NTSR2: variants seen among roughly 807,000 people sequenced by gnomAD.
The protein encoded by NTSR2 is neurotensin receptor type 2.
NTSR2 carries 22 observed loss-of-function variants against 24.1 expected under a neutral mutation model. The observed-to-expected ratio is 0.91, with a 90% CI of 0.65 to 1.30. The LOEUF (loss-of-function observed/expected upper bound fraction) is 1.30, where lower values mean the gene tolerates loss of function less well. NTSR2 is among the 50% of genes most tolerant of loss of function. The pLI is 0.00. For missense variants in NTSR2, 570 were observed against 570.4 expected (o/e 1.00, Z 0.01); for synonymous variants, 291 against 267.0 (o/e 1.09, Z -0.88).
chr2:11,658,663 C>T lies in NTSR2; in HGVS notation c.1049G>A (p.Ser350Asn). ...GTAGAGAAGAGGAGTCACAGCTGAG[C>T]TGACGTAGAAAAGTGTGTTGGTCAC... ...YMVTNTLFYV[S>N]SAVTPLLYNA... The change falls in exon 4 of 4, where the codon AGC (serine) becomes AAC (asparagine). Residue 350 changes from serine (S) to asparagine (N), a missense_variant. Physicochemically the swap from Ser to Asn is conservative, Grantham distance 46 (BLOSUM62 1). Coordinates refer to ENST00000306928, the MANE Select transcript of NTSR2 (RefSeq NM_012344.4). 6.2e-7 allele frequency: 1 copy of T among 1,614,112 alleles called. No individual in the cohort carries two copies. Among genetic ancestry groups the T allele is most frequent in the East Asian group, 2.2e-5 (1 of 44,874 alleles).
At chr2:11,669,459 C>CCGGGGGGGGGGGGGGGGGG in intron 1 of NTSR2, 47 bp downstream of exon 1, 3 of 337,896 alleles carry the variant, frequency 8.9e-6, no homozygotes, top group Non-Finnish European at 1.1e-5. Context: ...CTCCCAGCAC[C>CCGGGGGGGGGGGGGGGGGG]GCCCCCCCAC....
Position 11,658,552 on chromosome 2 carries a change from G to A in NTSR2, c.1160C>T (p.Pro387Leu), listed in dbSNP as rs760557313. ...CGEHHPMKRL[P>L]PKPQSPTLMD... ...TAGGGTGGGACTCTGGGGCTTCGGG[G>A]GTAACCGCTTCATGGGGTGGTGCTC... Residue 387 changes from proline to leucine, a missense_variant, in exon 4 of 4, where the codon CCC becomes CTC. Pro to Leu is a moderately conservative substitution (Grantham distance 98, BLOSUM62 -3). Coordinates refer to ENST00000306928, the MANE Select transcript of NTSR2 (RefSeq NM_012344.4). The A allele has an allele frequency of 2.4e-5, 38 of 1,614,204 alleles. 3 individuals carry two copies. The South Asian group carries it at 4.0e-4, about 17-fold the overall frequency.
chr2:11,669,873 C>G lies in NTSR2; in HGVS notation c.257G>C (p.Gly86Ala). The change falls in exon 1 of 4, where the codon GGC becomes GCC. Residue 86 changes from glycine (G) to alanine (A), a missense_variant. Coordinates refer to ENST00000306928, the MANE Select transcript of NTSR2 (RefSeq NM_012344.4). ...ALAGLLLLLV[G>A]VPVELYSFVW... ...GAAGCTGTAGAGCTCCACCGGCACG[C>G]CGACCAGCAGCAGCAGCAGGCCCGC... is the stretch of plus-strand genomic sequence containing the variant. 6.3e-7 allele frequency: 1 copy of G among 1,585,608 alleles called. No homozygotes were observed. The highest frequency in any genetic ancestry group is 8.5e-7 in the Non-Finnish European group (1 of 1,172,482).
chr2:11,669,459 C>CGGGCCGGGGGG, intron 1 of NTSR2, 47 bp downstream of exon 1: 1 of 337,894 alleles, frequency 3.0e-6, no homozygotes. Flanking sequence ...CTCCCAGCAC[C>CGGGCCGGGGGG]GCCCCCCCAC....
At chr2:11,660,234 A>G in intron 2 of NTSR2, 101 bp from the exon 3 acceptor site, 1 of 867,954 alleles carries the variant, frequency 1.2e-6, no homozygotes, top group Non-Finnish European at 1.9e-6. Context: ...GGATAGCAGC[A>G]TTTCCCTCTA....
chr2:11,669,460 G>GGGGGGGGGGGGGGGGCCCCCCCCCC, intron 1 of NTSR2, 46 bp downstream of exon 1: 8 of 254,722 alleles, frequency 3.1e-5, no homozygotes, highest in Non-Finnish European at 4.1e-5. Context: ...TCCCAGCACC[G>GGGGGGGGGGGGGGGGCCCCCCCCCC]CCCCCCCACC....
intron 1 of NTSR2, 79 bp downstream of exon 1, chr2:11,669,427 C>G: frequency 1.0e-6 from 1 of 964,686 alleles, no homozygotes; most frequent in Non-Finnish European, 1.4e-6. Flanking sequence ...ATGTCTGTTC[C>G]CCGGGGAGAG....
Position 11,669,590 on chromosome 2 carries a change from G to T in NTSR2, c.540C>A (p.Leu180=). ...MAVIMGQKHE[L]ETADGEPEPA... is the part of the protein sequence containing the mutation. The stretch of plus-strand genomic sequence containing the variant: ...GCTCCGGCTCCCCGTCCGCCGTCTC[G>T]AGTTCGTGCTTCTGCCCCATGATGA... Residue 180 remains leucine (L), a synonymous_variant, in exon 1 of 4, where the codon CTC becomes CTA. Coordinates refer to ENST00000306928, the MANE Select transcript of NTSR2 (RefSeq NM_012344.4). 6.3e-7 allele frequency: 1 copy of T among 1,582,390 alleles called. No homozygotes were observed.
At chr2:11,661,871 G>C (rs1277258742) in intron 2 of NTSR2, 96 bp downstream of exon 2, 21 of 1,154,978 alleles carry the variant, frequency 1.8e-5, no homozygotes, top group South Asian at 1.3e-4. Context: ...CTTGAGAGAG[G>C]TAGTGACTTG....
Position 11,662,156 on chromosome 2 carries a change from A to G in NTSR2, c.709T>C (p.Cys237Arg). The part of the protein sequence containing the change: ...GVTVSHLLAL[C>R]SQVPSTSTPG... ...GTAGAAGTGGACGGCACTTGGGAGC[A>G]GAGGGCCAGCAGGTGGCTCACTGTG... The change falls in exon 2 of 4, where the codon TGC becomes CGC. Residue 237 changes from cysteine (C) to arginine (R), a missense_variant. Transcript: ENST00000306928. 1 of 1,602,340 alleles carries G rather than the reference A, an allele frequency of 6.2e-7. No individual in the cohort carries two copies. Among genetic ancestry groups the G allele is most frequent in the Non-Finnish European group, 8.5e-7 (1 of 1,174,392 alleles).
chr2:11,668,529 C>T (rs950190895), intron 1 of NTSR2, among the ~76,000 whole-genome samples: 1 of 152,212 alleles, frequency 6.6e-6, no homozygotes, highest in African/African-American at 2.4e-5. Flanking sequence ...ACAGTAAACG[C>T]TCCCACATAC....
chr2:11,662,276 C>T, intron 1 of NTSR2, 36 bp from the exon 2 acceptor site: 1 of 1,458,956 alleles, frequency 6.9e-7, no homozygotes, highest in South Asian at 1.5e-5. Flanking sequence ...GGGGCAGCGC[C>T]AGGGCCCTGC....
In NTSR2 at chr2:11,670,148, G is replaced by C; in HGVS notation, c.-19C>G. 7.3e-7 allele frequency: 1 copy of C among 1,363,906 alleles called. No individual in the cohort carries two copies. Among genetic ancestry groups the C allele is most frequent in the Non-Finnish European group, 9.4e-7 (1 of 1,066,374 alleles). 84.5% of individuals were successfully genotyped at this position (1,363,906 alleles called of 1,614,324 possible). On this transcript the variant is annotated 5_prime_UTR_variant, in exon 1 of 4. Transcript: ENST00000306928. ...TTTCCATCCCGCTCCCGCGGCCGGC[G>C]CTCCCTCCCTCTCACTGCCCGGAGT...
intron 1 of NTSR2, among the ~76,000 whole-genome samples, chr2:11,663,531 G>GA (rs919444813): frequency 1.6e-4 from 24 of 151,356 alleles, no homozygotes; most frequent in Non-Finnish European, 1.0e-4. Context: ...CTATGCAAAT[G>GA]AAAAAAAAGG....
chr2:11,660,064 A>G lies in NTSR2; in HGVS notation c.968T>C (p.Val323Ala). 2 of 1,613,982 alleles carry G rather than the reference A, an allele frequency of 1.2e-6. No individual in the cohort carries two copies. Among genetic ancestry groups the G allele is most frequent in the Non-Finnish European group, 1.7e-6 (2 of 1,179,954 alleles). The change falls in exon 3 of 4, where the codon GTA (valine) becomes GCA (alanine). Residue 323 changes from valine (V) to alanine (A), a missense_variant. By Grantham distance (64) the Val-to-Ala change is moderately conservative. Transcript: ENST00000306928. ...YHARRLMYCY[V>A]PDDAWTDPLY... ...TCACTCAGTCCACGCGTCATCAGGT[A>G]CGTAGCAGTACATGAGCCTGCGGGC...
intron 2 of NTSR2, among the ~76,000 whole-genome samples, chr2:11,661,443 AC>A (rs1301155924): frequency 6.6e-6 from 1 of 151,932 alleles, no homozygotes; most frequent in African/African-American, 2.4e-5. Context: ...ATCCTTCCAT[AC>A]CCTAGCTAGT....
At chr2:11,669,460 G>GGGGGGGGGGGGCCCCCC in intron 1 of NTSR2, 46 bp downstream of exon 1, 6 of 254,722 alleles carry the variant, frequency 2.4e-5, no homozygotes, top group Admixed American at 6.7e-5. Context: ...TCCCAGCACC[G>GGGGGGGGGGGGCCCCCC]CCCCCCCACC....
chr2:11,669,460 G>GGGGGGGGGGGCGGGGCCCCCC, intron 1 of NTSR2, 46 bp downstream of exon 1: 1 of 254,726 alleles, frequency 3.9e-6, no homozygotes, highest in Non-Finnish European at 6.9e-6. Flanking sequence ...TCCCAGCACC[G>GGGGGGGGGGGCGGGGCCCCCC]CCCCCCCACC....
At chr2:11,658,787 C>G in intron 3 of NTSR2, 65 bp from the exon 4 acceptor site, 3 of 1,563,486 alleles carry the variant, frequency 1.9e-6, no homozygotes, top group Non-Finnish European at 2.6e-6. Context: ...CCACTTCCTA[C>G]TGGAGAATGC....
Sources: allele counts gnomAD v4.1 joint callset (sites outside exome capture counted in the v4.1 genomes callset), GRCh38; gene constraint gnomAD v4.1.1; transcripts MANE v1.5; gene names NCBI Gene and HGNC (gene_info 2026-07-23, HGNC 2026-07-21).